The following DSG2 variants were observed in gnomAD, a reference collection of about 807,000 sequenced individuals.
The protein encoded by DSG2 is desmoglein-2.
In DSG2, 45 loss-of-function variants were observed where a neutral mutation model predicts 75.6. The observed-to-expected ratio is 0.60, with a 90% CI of 0.47 to 0.76. The LOEUF is 0.76. DSG2 is among the 30% of genes least tolerant of loss of function. The probability of loss-of-function intolerance (pLI) is 0.00; values close to 1 mark genes in which losing one functional copy is unlikely to be tolerated. For missense variants in DSG2, 1,267 were observed against 1,357.4 expected, an observed-to-expected ratio of 0.93 and a Z score of 1.05; for synonymous variants, 429 against 483.9, an observed-to-expected ratio of 0.89 and a Z score of 1.49.
chr18:31,534,508 ATTTT>A (rs80270967), intron 9 of DSG2, among the ~76,000 whole-genome samples: 1 of 112,584 alleles, frequency 8.9e-6, no homozygotes, highest in African/African-American at 3.4e-5. Context: ...ATGATCATTG[ATTTT>A]TTTTTTTTTT....
intron 6 of DSG2, among the ~76,000 whole-genome samples, chr18:31,523,197 C>T (rs1037617413): frequency 1.1e-4 from 16 of 151,952 alleles, no homozygotes; most frequent in African/African-American, 2.9e-4. Context: ...GTCAGGAGAT[C>T]GAGACCATCC....
chr18:31,533,858 G>A lies in DSG2; in HGVS notation c.1281-1412G>A, dbSNP rs563471064. On this transcript the variant is annotated intron_variant, in intron 9 of 14. Coordinates refer to ENST00000261590, the MANE Select transcript of DSG2 (RefSeq NM_001943.5). Reference sequence around the variant, plus strand: ...TTAGCCACTCATTCCTGTGTGCCTCGAAGCCACTTAATAGAAAATAAATTA... The same window carrying A: ...TTAGCCACTCATTCCTGTGTGCCTCAAAGCCACTTAATAGAAAATAAATTA... Among the ~76,000 whole-genome samples the A allele has an allele frequency of 5.3e-5, 8 of 152,154 alleles. No homozygotes were observed. In the East Asian group the frequency reaches 5.8e-4, roughly 11 times the overall value.
intron 10 of DSG2, among the ~76,000 whole-genome samples, chr18:31,535,767 C>CAAAAAA (rs1334144976): frequency 1.7e-5 from 2 of 118,522 alleles, no homozygotes; most frequent in Non-Finnish European, 1.8e-5. Flanking sequence ...GACTCCAACT[C>CAAAAAA]AAAAAAAAAA....
intron 1 of DSG2, among the ~76,000 whole-genome samples, chr18:31,509,249 G>A (rs2073054419): frequency 6.6e-6 from 1 of 152,106 alleles, no homozygotes; most frequent in Admixed American, 6.5e-5. Flanking sequence ...CTTCCTCTTT[G>A]TAACTAACTT....
At chr18:31,499,297 T>G (rs2073001637) in intron 1 of DSG2, among the ~76,000 whole-genome samples, 1 of 152,168 alleles carries the variant, frequency 6.6e-6, no homozygotes, top group South Asian at 2.1e-4. Context: ...TATTCAAAGT[T>G]CTAACTTCCA....
In DSG2 at chr18:31,520,873, A is replaced by T. The variant is rs2073123571; in HGVS notation, c.287A>T (p.Glu96Val). Reference sequence around the variant, plus strand: ...AAATACACTGGAAAAGGGATTACAGAGCCACCTTTTGGTATATTTGTCTTT... The same window carrying T: ...AAATACACTGGAAAAGGGATTACAGTGCCACCTTTTGGTATATTTGTCTTT... ...TYKYTGKGIT[E>V]PPFGIFVFNK... Residue 96 changes from glutamate to valine, a missense_variant, in exon 4 of 15, where the codon GAG (glutamate) becomes GTG (valine). Glu to Val is a moderately radical substitution (Grantham distance 121). Transcript: ENST00000261590. 6 of 1,613,772 alleles carry T rather than the reference A, an allele frequency of 3.7e-6. No homozygotes were observed. The highest frequency in any genetic ancestry group is 1.3e-5 in the African/African-American group (1 of 74,918).
rs2144333112 is a variant in DSG2, at chr18:31,531,220, T to C, written c.1248T>C (p.Phe416=). ...KGQIIGNFQA[F]DEDTGLPAHA... is the part of the protein sequence containing the mutation. ...AAATAATTGGAAATTTTCAAGCTTT[T>C]GATGAGGACACTGGACTACCAGCCC... The change falls in exon 9 of 15, where the codon TTT becomes TTC. Residue 416 remains phenylalanine (F), a synonymous_variant. Transcript: ENST00000261590. The C allele has an allele frequency of 6.2e-7, 1 of 1,614,166 alleles. No individual in the cohort carries two copies. Among genetic ancestry groups the C allele is most frequent in the East Asian group, 2.2e-5 (1 of 44,868 alleles).
intron 1 of DSG2, among the ~76,000 whole-genome samples, chr18:31,502,748 C>CAA (rs1368086229): frequency 1.1e-4 from 15 of 140,166 alleles, no homozygotes; most frequent in Admixed American, 4.4e-4. Flanking sequence ...GAGACTCTGT[C>CAA]AAAAAAAAGA....
chr18:31,535,543 C>G, intron 10 of DSG2, 131 bp downstream of exon 10: 1 of 797,958 alleles, frequency 1.3e-6, no homozygotes, highest in Non-Finnish European at 2.0e-6. Context: ...TGCCTGTAAT[C>G]CCAGCACTTT....
intron 1 of DSG2, among the ~76,000 whole-genome samples, chr18:31,515,655 G>A (rs1207520877): frequency 1.3e-5 from 2 of 152,172 alleles, no homozygotes; most frequent in African/African-American, 4.8e-5. Context: ...TAGACAGAAT[G>A]AAGAAGAGAT....
Position 31,534,580 on chromosome 18 carries a change from G to A in DSG2, c.1281-690G>A, listed in dbSNP as rs183872146. On this transcript the variant is annotated intron_variant, in intron 9 of 14. Coordinates refer to ENST00000261590, the MANE Select transcript of DSG2 (RefSeq NM_001943.5). ...GGCTAGAGTGCAGTGGCGCGATCTC[G>A]GCTCACTGCAACCTCCACCTCCTGG... is the stretch of plus-strand genomic sequence containing the variant. Among the ~76,000 whole-genome samples, 96 of 138,522 alleles carry A rather than the reference G, an allele frequency of 6.9e-4. 1 individual carries two copies. In the East Asian group the frequency reaches 7.2e-3, roughly 10 times the overall value. The allele number at this position is 138,522 out of a possible 152,430, so 90.9% of individuals were successfully genotyped here. A position where few individuals can be genotyped will look rare whatever the true frequency, so the allele number is the denominator to read the frequency against.
chr18:31,543,864 T>TAAA (rs576034927), intron 14 of DSG2, among the ~76,000 whole-genome samples: 10 of 94,808 alleles, frequency 1.1e-4, no homozygotes, highest in African/African-American at 3.3e-4. Context: ...AAACTCTGTC[T>TAAA]AAAAAAAAAA....
rs2073333712 is a variant in DSG2 at position 31,548,898 on chromosome 18, T to C, written c.*2155T>C. 7.0e-6 allele frequency: 1 copy of C among 142,440 alleles called. No homozygotes were observed. Among genetic ancestry groups the C allele is most frequent in the Non-Finnish European group, 1.5e-5 (1 of 67,210 alleles). 8.8% of individuals were successfully genotyped at this position (142,440 alleles called of 1,614,324 possible). ...TTTCTCTATTATATTTTACAAGGAA[T>C]ATAACTCAGTTTGTTAGGGAGAGTG... On this transcript the variant is annotated 3_prime_UTR_variant, in exon 15 of 15. Transcript: ENST00000261590.
At chr18:31,509,155 A>G (rs1388997312) in intron 1 of DSG2, among the ~76,000 whole-genome samples, 4 of 152,152 alleles carry the variant, frequency 2.6e-5, no homozygotes, top group Non-Finnish European at 5.9e-5. Flanking sequence ...CACAGCATGA[A>G]TGAACAAGTC....
intron 8 of DSG2, among the ~76,000 whole-genome samples, chr18:31,530,729 T>C (rs973953484): frequency 3.2e-4 from 48 of 152,112 alleles, no homozygotes; most frequent in African/African-American, 1.1e-3. Context: ...AAAATATATA[T>C]ATATATTTAC....
chr18:31,519,989 TGA>T (rs1424222015), intron 3 of DSG2, 52 bp downstream of exon 3: 1 of 1,610,732 alleles, frequency 6.2e-7, no homozygotes, highest in Non-Finnish European at 8.5e-7. Context: ...AAATGTGGTG[TGA>T]GAGGACTTTT....
In DSG2 at chr18:31,546,351, G is replaced by A. The variant is rs748298838; in HGVS notation, c.2965G>A (p.Glu989Lys). The stretch of plus-strand genomic sequence containing the variant: ...TAATGAAGGTACAGTTGTGGTCACT[G>A]AAAGAGTAATACAGCCTCATGGGGG... ...YANEGTVVVT[E>K]RVIQPHGGGS... Residue 989 changes from glutamate (E) to lysine (K), a missense_variant, in exon 15 of 15, where the codon GAA becomes AAA. Glu to Lys is a moderately conservative substitution (Grantham distance 56). Coordinates refer to ENST00000261590, the MANE Select transcript of DSG2 (RefSeq NM_001943.5). 1.2e-6 allele frequency: 2 copies of A among 1,613,192 alleles called. No homozygotes were observed. The highest frequency in any genetic ancestry group is 1.7e-6 in the Non-Finnish European group (2 of 1,179,428).
Position 31,524,258 on chromosome 18 carries a change from G to A in DSG2, c.691-190G>A, listed in dbSNP as rs1029551238. 4.6e-5 allele frequency among the ~76,000 whole-genome samples: 7 copies of A among 152,252 alleles called. No individual in the cohort carries two copies. In the East Asian group the frequency reaches 5.8e-4, roughly 13 times the overall value. Reference sequence around the variant, plus strand: ...AAGAATTTGACTATCTACAACTCCCGAGGCTTTTCTGTTCTTCTGCAAAAG... The same window carrying A: ...AAGAATTTGACTATCTACAACTCCCAAGGCTTTTCTGTTCTTCTGCAAAAG... On this transcript the variant is annotated intron_variant, in intron 6 of 14. Coordinates refer to ENST00000261590, the MANE Select transcript of DSG2 (RefSeq NM_001943.5).
intron 11 of DSG2, among the ~76,000 whole-genome samples, chr18:31,537,115 G>A (rs1318514213): frequency 6.6e-6 from 1 of 151,630 alleles, no homozygotes; most frequent in East Asian, 1.9e-4. Context: ...AAACAACTAG[G>A]GTTCATTTCA....
Sources: allele counts gnomAD v4.1 joint callset (sites outside exome capture counted in the v4.1 genomes callset), GRCh38; gene constraint gnomAD v4.1.1; transcripts MANE v1.5; gene names NCBI Gene and HGNC (gene_info 2026-07-23, HGNC 2026-07-21).